Variants in SCN1B observed in about 807,000 individuals in gnomAD.
SCN1B encodes the protein sodium channel regulatory subunit beta-1.
SCN1B carries 11 observed loss-of-function variants against 25.7 expected under a neutral mutation model. The ratio of observed to expected loss-of-function variants is 0.43; its 90% confidence interval spans 0.27 to 0.71. The LOEUF (loss-of-function observed/expected upper bound fraction) is 0.71, where lower values mean the gene tolerates loss of function less well. SCN1B is among the 30% of genes least tolerant of loss of function. The pLI, the probability that SCN1B is intolerant of heterozygous loss-of-function variation, is 0.21. For synonymous variants in SCN1B, 119 were observed against 117.5 expected, an observed-to-expected ratio of 1.01 and a Z score of -0.08; for missense variants, 224 against 291.5, an observed-to-expected ratio of 0.77 and a Z score of 1.69.
chr19:35,039,619 G>C lies in SCN1B; in HGVS notation c.591-16G>C. On this transcript the variant is annotated splice_polypyrimidine_tract_variant and intron_variant, in intron 4 of 5. Transcript: ENST00000262631. ...CTGATGATGGGGTCACTGTATACCT[G>C]GCCTTTCCCCCACAGCTCGGAATAC... 1 of 1,614,038 alleles carries C rather than the reference G, an allele frequency of 6.2e-7. No homozygotes were observed. Among genetic ancestry groups the C allele is most frequent in the Non-Finnish European group, 8.5e-7 (1 of 1,179,900 alleles).
chr19:35,039,786 C>T lies in SCN1B; in HGVS notation c.*6-11C>T. 7.0e-7 allele frequency: 1 copy of T among 1,420,852 alleles called. No homozygotes were observed. Among genetic ancestry groups the T allele is most frequent in the South Asian group, 1.2e-5 (1 of 84,730 alleles). 88.0% of individuals were successfully genotyped at this position (1,420,852 alleles called of 1,614,324 possible). On this transcript the variant is annotated splice_polypyrimidine_tract_variant and intron_variant, in intron 5 of 5. Coordinates refer to ENST00000262631, the MANE Select transcript of SCN1B (RefSeq NM_001037.5). Reference sequence around the variant, plus strand: ...CAGGTCCCTAATTCCCCCTCTCTTGCTCCCCTTCAGGCCCTGGGCCCCGCC... The same window carrying T: ...CAGGTCCCTAATTCCCCCTCTCTTGTTCCCCTTCAGGCCCTGGGCCCCGCC...
Position 35,032,215 on chromosome 19 carries a change from T to A in SCN1B, c.41-313T>A, listed in dbSNP as rs8100085. Among the ~76,000 whole-genome samples the A allele has an allele frequency of 0.41, 62,248 of 152,074 alleles. 13,287 individuals are homozygous for A. Among genetic ancestry groups the A allele is most frequent in the African/African-American group, 0.54 (22,201 of 41,458 alleles). ...CTGAGGAAGGGGCACTCGGGTAGCATAAAGTCTGAGTTACCGGCAACGTTG... is the reference window on the plus strand; with the variant it reads ...CTGAGGAAGGGGCACTCGGGTAGCAAAAAGTCTGAGTTACCGGCAACGTTG... On this transcript the variant is annotated intron_variant, in intron 1 of 5. Transcript: ENST00000262631. This position sits in a 1 kb window ranked among gnomAD's most constrained non-coding sequence, Gnocchi z 4.3.
Position 35,032,583 on chromosome 19 carries a change from T to C in SCN1B, c.96T>C (p.Tyr32=), listed in dbSNP as rs143453040. 18 of 1,614,096 alleles carry C rather than the reference T, an allele frequency of 1.1e-5. No homozygotes were observed. The African/African-American group carries it at 2.4e-4, about 22-fold the overall frequency. The part of the protein sequence containing the change: ...VEVDSETEAV[Y]GMTFKILCIS... ...TGGACTCGGAGACCGAGGCCGTGTA[T>C]GGGATGACCTTCAAAATTCTTTGCA... The change falls in exon 2 of 6, where the codon TAT becomes TAC. Residue 32 remains tyrosine, a synonymous_variant. Transcript: ENST00000262631. This position sits in a 1 kb window ranked among gnomAD's most constrained non-coding sequence, Gnocchi z 4.3.
intron 3 of SCN1B, chr19:35,034,041 G>T (rs1600365506): frequency 6.5e-7 from 1 of 1,550,048 alleles, no homozygotes; most frequent in East Asian, 2.4e-5. Flanking sequence ...TGAGCCAAAG[G>T]GTTGTCCTGG....
Position 35,032,794 on chromosome 19 carries a change from GCTGTGATT to G in SCN1B, c.207+101_207+108del, listed in dbSNP as rs1192641693. 3.7e-6 allele frequency: 5 copies of G among 1,352,754 alleles called. No homozygotes were observed. The highest frequency in any genetic ancestry group is 5.2e-6 in the Non-Finnish European group (5 of 963,880). 83.8% of individuals were successfully genotyped at this position (1,352,754 alleles called of 1,614,324 possible). On this transcript the variant is annotated intron_variant, in intron 2 of 5. Transcript: ENST00000262631. The surrounding 1 kb of genome is among the most constrained non-coding windows in gnomAD (Gnocchi z 4.3). ...AGGGGGCTTATTTGTTTAATAATAT[GCTGTGATT>G]GCTGACCTGGATTCAGATTCTGGCT...
chr19:35,033,840 G>T, intron 3 of SCN1B, 101 bp downstream of exon 3: 3 of 1,611,870 alleles, frequency 1.9e-6, no homozygotes, highest in Non-Finnish European at 2.5e-6. Context: ...TCTGTGCCTG[G>T]CCAGCCAACC....
intron 4 of SCN1B, 167 bp from the exon 5 acceptor site, chr19:35,039,468 C>T: frequency 1.0e-6 from 1 of 976,866 alleles, no homozygotes; most frequent in Non-Finnish European, 1.6e-6. Flanking sequence ...AGCCCAGGCT[C>T]CCAGCCAGAT....
rs77106213 is a variant in SCN1B at position 35,039,684 on chromosome 19, G to A, written c.640G>A (p.Val214Ile). Residue 214 changes from valine to isoleucine, a missense_variant, in exon 5 of 6, where the codon GTC becomes ATC. This residue lies in a region of SCN1B where 52 missense variants were observed against 50.8 expected (regional missense o/e 1.02). Transcript: ENST00000262631. ...TGAAAGCAAAGAGAACTGCACGGGC[G>A]TCCAGGTGGCCGAATAGCCCTGGTA... is the stretch of plus-strand genomic sequence containing the variant. ...TSESKENCTG[V>I]QVAE 21 of 1,614,066 alleles carry A rather than the reference G, an allele frequency of 1.3e-5. No homozygotes were observed. Among genetic ancestry groups the A allele is most frequent in the Middle Eastern group, 1.6e-4 (1 of 6,084 alleles).
chr19:35,036,022 C>T (rs543955744), intron 3 of SCN1B: 3 of 149,468 alleles, frequency 2.0e-5, no homozygotes, highest in African/African-American at 7.3e-5. Context: ...GTGTGAGCCA[C>T]TACGCCCGGC....
At chr19:35,034,041 G>A in intron 3 of SCN1B, 2 of 1,550,048 alleles carry the variant, frequency 1.3e-6, no homozygotes, top group Non-Finnish European at 1.7e-6. Context: ...TGAGCCAAAG[G>A]GTTGTCCTGG....
intron 3 of SCN1B, chr19:35,035,800 T>G (rs2064244103): frequency 2.0e-5 from 3 of 152,216 alleles, no homozygotes; most frequent in East Asian, 3.8e-4. Flanking sequence ...GTATTTTATA[T>G]TACCCACTAT....
chr19:35,033,266 G>A (rs1018758559), intron 2 of SCN1B, among the ~76,000 whole-genome samples: 4 of 152,070 alleles, frequency 2.6e-5, no homozygotes, highest in African/African-American at 9.7e-5. Context: ...GGATGACTGA[G>A]GAACGTGTGT....
chr19:35,033,977 G>T, intron 3 of SCN1B: 1 of 1,552,016 alleles, frequency 6.4e-7, no homozygotes, highest in East Asian at 2.4e-5. Flanking sequence ...TCCGGGTACA[G>T]AACCCAGCTC....
rs1555720788 is a variant in SCN1B, at chr19:35,033,800, G to T, written c.448+61G>T. 9.9e-6 allele frequency: 16 copies of T among 1,613,540 alleles called. No homozygotes were observed. The highest frequency in any genetic ancestry group is 1.4e-5 in the Non-Finnish European group (16 of 1,180,032). ...CACCGGAGAGCCAGATGGAGGGACA[G>T]ATGGCAGGCAGTGGACAGGACAGGC... On this transcript the variant is annotated intron_variant, in intron 3 of 5. Transcript: ENST00000262631.
At chr19:35,039,758 C>A in intron 5 of SCN1B, 39 bp from the exon 6 acceptor site, 1 of 1,565,070 alleles carries the variant, frequency 6.4e-7, no homozygotes, top group South Asian at 1.1e-5. Context: ...GGCCGAAGTC[C>A]CCCAGGTCCC....
rs1555721514 is a variant in SCN1B at position 35,039,630 on chromosome 19, C to T, written c.591-5C>T. The T allele has an allele frequency of 7.4e-6, 12 of 1,614,064 alleles. No homozygotes were observed. The Admixed American group carries it at 1.2e-4, about 16-fold the overall frequency. On this transcript the variant is annotated splice_region_variant and splice_polypyrimidine_tract_variant and intron_variant, in intron 4 of 5. Transcript: ENST00000262631. ...GTCACTGTATACCTGGCCTTTCCCC[C>T]ACAGCTCGGAATACCTGGCCATCAC...
chr19:35,039,420 G>A, intron 4 of SCN1B, 162 bp downstream of exon 4: 1 of 1,108,084 alleles, frequency 9.0e-7, no homozygotes, highest in South Asian at 1.3e-5. Flanking sequence ...ACAGGATAGG[G>A]GTCGTCAGAC....
At position 35,033,980 on chromosome 19, in the gene SCN1B, C is replaced by T. The variant is rs2064232547; in HGVS notation, c.448+241C>T. 6.4e-7 allele frequency: 1 copy of T among 1,551,700 alleles called. No individual in the cohort carries two copies. ...CCCCACAGACGCTCCGGGTACAGAA[C>T]CCAGCTCTGTCACCTGTGCTGTATG... On this transcript the variant is annotated intron_variant, in intron 3 of 5. Coordinates refer to ENST00000262631, the MANE Select transcript of SCN1B (RefSeq NM_001037.5).
At chr19:35,035,842 T>A (rs2064244342) in intron 3 of SCN1B, 1 of 152,264 alleles carries the variant, frequency 6.6e-6, no homozygotes, top group Non-Finnish European at 1.5e-5. Flanking sequence ...TATATTTTAC[T>A]ATCATAATAT....
Sources: gnomAD v4.1 joint callset for allele counts (sites outside exome capture counted in the v4.1 genomes callset) on GRCh38, gnomAD v4.1.1 for gene constraint, gnomAD v4.1.1 regional missense constraint, Gnocchi (gnomAD v3.1) non-coding constraint, MANE v1.5 for transcripts, NCBI Gene and HGNC (gene_info 2026-07-23, HGNC 2026-07-21) for gene names.